MALT1: variants seen among roughly 807,000 people sequenced by gnomAD.
MALT1 encodes the protein MALT1 paracaspase.
A neutral mutation model predicts 85.5 loss-of-function variants in MALT1; 36 were observed. The observed-to-expected ratio is 0.42, with a 90% CI of 0.32 to 0.56. The LOEUF (loss-of-function observed/expected upper bound fraction) is 0.56. Among genes scored for constraint, MALT1 ranks in the 20% least tolerant of loss-of-function variants. The probability of loss-of-function intolerance (pLI) is 0.10; values close to 1 mark genes in which losing one functional copy is unlikely to be tolerated. For missense variants in MALT1, 716 were observed against 981.6 expected (o/e 0.73, Z 3.62); for synonymous variants, 359 against 361.3 (o/e 0.99, Z 0.07).
In MALT1 at chr18:58,752,980, C is replaced by G. The variant is rs925948876; in HGVS notation, c.*5138C>G. 3 of 151,692 alleles carry G rather than the reference C, an allele frequency of 2.0e-5. No homozygotes were observed. The highest frequency in any genetic ancestry group is 4.4e-5 in the Non-Finnish European group (3 of 68,014). The allele number at this position is 151,692 out of a possible 1,614,324, so 9.4% of individuals were successfully genotyped here. On this transcript the variant is annotated 3_prime_UTR_variant, in exon 17 of 17. Coordinates refer to ENST00000649217, the MANE Select transcript of MALT1 (RefSeq NM_006785.4). ...CTTACTAATAGCGTGGCTCAAAGAG[C>G]GTTAACTTGCCTGTGCTTCTGTTTC... is the stretch of plus-strand genomic sequence containing the variant.
rs185604444 is a variant in MALT1, at chr18:58,753,399, G to T, written c.*5557G>T. 1 of 152,058 alleles carries T rather than the reference G, an allele frequency of 6.6e-6. No individual in the cohort carries two copies. The highest frequency in any genetic ancestry group is 2.4e-5 in the African/African-American group (1 of 41,388). 9.4% of individuals were successfully genotyped at this position (152,058 alleles called of 1,614,324 possible). On this transcript the variant is annotated 3_prime_UTR_variant, in exon 17 of 17. Coordinates refer to ENST00000649217, the MANE Select transcript of MALT1 (RefSeq NM_006785.4). ...AGTAGTATCTACTAAAATAAACAGGGTTTCACCATGTTGGCCAGGCTGGTC... is the reference window on the plus strand; with the variant it reads ...AGTAGTATCTACTAAAATAAACAGGTTTTCACCATGTTGGCCAGGCTGGTC...
chr18:58,738,346 C>T (rs1385517172), intron 13 of MALT1, among the ~76,000 whole-genome samples: 3 of 152,122 alleles, frequency 2.0e-5, no homozygotes, highest in African/African-American at 7.2e-5. Context: ...ACGTAATATT[C>T]TGTTATGCAA....
At chr18:58,696,330 G>A in intron 2 of MALT1, 36 bp from the exon 3 acceptor site, 1 of 1,289,572 alleles carries the variant, frequency 7.8e-7, no homozygotes, top group Non-Finnish European at 1.0e-6. Context: ...TCCCTCTTGT[G>A]ACTTTAATTT....
At position 58,733,382 on chromosome 18, in the gene MALT1, T is replaced by A. The variant is rs1375100043; in HGVS notation, c.1223-15T>A. On this transcript the variant is annotated splice_polypyrimidine_tract_variant and intron_variant, in intron 10 of 16. Transcript: ENST00000649217. ...GAATTGACATCTATCTCTCTCTTAT[T>A]TTTCCTCTTTTCAGGGTTATTATAT... 1.9e-6 allele frequency: 3 copies of A among 1,559,868 alleles called. No individual in the cohort carries two copies. The East Asian group carries it at 6.7e-5, about 35-fold the overall frequency.
chr18:58,749,458 C>T lies in MALT1; in HGVS notation c.*1616C>T. On this transcript the variant is annotated 3_prime_UTR_variant, in exon 17 of 17. Coordinates refer to ENST00000649217, the MANE Select transcript of MALT1 (RefSeq NM_006785.4). ...CTTGTACTACACAGAATTGCCCCTG[C>T]CATTTCCACCCTCCAGTCATTTCTC... 1 of 215,856 alleles carries T rather than the reference C, an allele frequency of 4.6e-6. No individual in the cohort carries two copies. The highest frequency in any genetic ancestry group is 9.3e-6 in the Non-Finnish European group (1 of 107,134). The allele number at this position is 215,856 out of a possible 1,614,324, so 13.4% of individuals were successfully genotyped here.
intron 4 of MALT1, among the ~76,000 whole-genome samples, chr18:58,703,333 G>A (rs1421507017): frequency 6.6e-6 from 1 of 151,890 alleles, no homozygotes; most frequent in Non-Finnish European, 1.5e-5. Context: ...CTCCAGCCTG[G>A]GTGACAGAGT....
rs1366630168 is a variant in MALT1, at chr18:58,739,824, C to T, written c.1604-2041C>T. On this transcript the variant is annotated intron_variant, in intron 13 of 16. Coordinates refer to ENST00000649217, the MANE Select transcript of MALT1 (RefSeq NM_006785.4). The stretch of plus-strand genomic sequence containing the variant: ...GTACACACATACACACACACACACA[C>T]ACACACGTGTACGTGTACACATGCG... 3.3e-5 allele frequency among the ~76,000 whole-genome samples: 5 copies of T among 152,148 alleles called. No homozygotes were observed. In the South Asian group the frequency reaches 1.0e-3, roughly 32 times the overall value.
At chr18:58,704,421 T>A (rs2054716393) in intron 4 of MALT1, among the ~76,000 whole-genome samples, 1 of 152,204 alleles carries the variant, frequency 6.6e-6, no homozygotes, top group South Asian at 2.1e-4. Flanking sequence ...GTCTTGAAGT[T>A]TACTTTGTGT....
chr18:58,703,223 G>C (rs1469001451), intron 4 of MALT1, among the ~76,000 whole-genome samples: 3 of 152,060 alleles, frequency 2.0e-5, no homozygotes, highest in Non-Finnish European at 4.4e-5. Context: ...TGGGTGTGGT[G>C]GCCCGTGACT....
chr18:58,726,268 A>G (rs1246369119), intron 10 of MALT1, among the ~76,000 whole-genome samples: 1 of 152,270 alleles, frequency 6.6e-6, no homozygotes, highest in East Asian at 1.9e-4. Context: ...GTGTCTTAAC[A>G]GGGTGGCTGC....
intron 10 of MALT1, among the ~76,000 whole-genome samples, chr18:58,724,178 A>G (rs2055022414): frequency 6.6e-6 from 1 of 152,194 alleles, no homozygotes; most frequent in South Asian, 2.1e-4. Context: ...TGATAAGGCA[A>G]GTTTGGTCAG....
chr18:58,673,861 G>A (rs902496478), intron 1 of MALT1: 10 of 152,050 alleles, frequency 6.6e-5, no homozygotes, highest in African/African-American at 2.4e-4. Flanking sequence ...GATGTGAGGA[G>A]GGAATAACTA....
chr18:58,744,573 G>C, intron 15 of MALT1, 78 bp downstream of exon 15: 1 of 731,864 alleles, frequency 1.4e-6, no homozygotes, highest in Non-Finnish European at 2.2e-6. Flanking sequence ...ACTTAAAGTT[G>C]ATGGTAAATA....
At position 58,752,477 on chromosome 18, in the gene MALT1, T is replaced by G. The variant is rs2055459223; in HGVS notation, c.*4635T>G. 1 of 152,094 alleles carries G rather than the reference T, an allele frequency of 6.6e-6. No individual in the cohort carries two copies. The highest frequency in any genetic ancestry group is 1.5e-5 in the Non-Finnish European group (1 of 68,006). 9.4% of individuals were successfully genotyped at this position (152,094 alleles called of 1,614,324 possible). A position where few individuals can be genotyped will look rare whatever the true frequency, so the allele number is the denominator to read the frequency against. On this transcript the variant is annotated 3_prime_UTR_variant, in exon 17 of 17. Coordinates refer to ENST00000649217, the MANE Select transcript of MALT1 (RefSeq NM_006785.4). ...TCTCAGTTTGACATTGTCATTCAAA[T>G]TCAGAGTTTGACACTGAAACCCTGG...
rs2144495314 is a variant in MALT1, at chr18:58,747,714, C to G, written c.2347C>G (p.Pro783Ala). The change falls in exon 17 of 17, where the codon CCA (proline) becomes GCA (alanine). Residue 783 changes from proline to alanine, a missense_variant. Transcript: ENST00000649217. ...AGATAGCTGTCATTGCAGCCGGACT[C>G]CAGATGCATTTATTTCAAGTTTCGC... ...PADSCHCSRT[P>A]DAFISSFAHH... The G allele has an allele frequency of 6.2e-7, 1 of 1,614,112 alleles. No homozygotes were observed. The highest frequency in any genetic ancestry group is 1.6e-4 in the Middle Eastern group (1 of 6,062).
rs761317500 is a variant in MALT1, at chr18:58,681,239, G to A, written c.279G>A (p.Leu93=). ...EPEGSPSLCL[L]KLMGEKGCTV... ...AAGGAAGCCCCAGCCTGTGTCTGCT[G>A]AAGTTAATGGGTGAAAAAGGTTGCA... Residue 93 remains leucine (L), a synonymous_variant, in exon 2 of 17, where the codon CTG becomes CTA. Coordinates refer to ENST00000649217, the MANE Select transcript of MALT1 (RefSeq NM_006785.4). The A allele has an allele frequency of 5.0e-5, 80 of 1,614,170 alleles. 1 individual carries two copies. The South Asian group carries it at 8.8e-4, about 18-fold the overall frequency.
chr18:58,718,694 G>C (rs2054938677), intron 9 of MALT1, among the ~76,000 whole-genome samples: 1 of 152,188 alleles, frequency 6.6e-6, no homozygotes, highest in South Asian at 2.1e-4. Flanking sequence ...TGAATTCAAG[G>C]CTTTGGATAC....
At chr18:58,702,328 G>A (rs2054685258) in intron 4 of MALT1, among the ~76,000 whole-genome samples, 2 of 151,796 alleles carry the variant, frequency 1.3e-5, no homozygotes, top group South Asian at 4.2e-4. Context: ...AGGTTGCAGT[G>A]AGCTGGGATC....
intron 3 of MALT1, 138 bp downstream of exon 3, chr18:58,696,625 G>A (rs1489511198): frequency 3.4e-6 from 2 of 583,126 alleles, no homozygotes; most frequent in Non-Finnish European, 5.5e-6. Context: ...TACTGAAGTA[G>A]TCAATAGTCA....
Sources: allele counts gnomAD v4.1 joint callset (sites outside exome capture counted in the v4.1 genomes callset), GRCh38; gene constraint gnomAD v4.1.1; transcripts MANE v1.5; gene names NCBI Gene and HGNC (gene_info 2026-07-23, HGNC 2026-07-21).